The following SCUBE3 variants were observed in gnomAD, a reference collection of about 807,000 sequenced individuals.
SCUBE3 encodes signal peptide, CUB domain and EGF like domain containing 3.
Under a neutral mutation model 116.8 loss-of-function variants are expected in SCUBE3, and 33 were observed. That is an observed-to-expected ratio of 0.28 (90% CI 0.21 to 0.38). SCUBE3 has a LOEUF of 0.38. SCUBE3 is among the 10% of genes least tolerant of loss of function. The pLI, the probability that SCUBE3 is intolerant of heterozygous loss-of-function variation, is 1.00. For missense variants in SCUBE3, 1,007 were observed against 1,324.8 expected (o/e 0.76, Z 3.72); for synonymous variants, 418 against 496.9 (o/e 0.84, Z 2.11).
Position 35,243,002 on chromosome 6 carries a change from C to A in SCUBE3, c.1694-19C>A, listed in dbSNP as rs1562057628. 2 of 1,610,704 alleles carry A rather than the reference C, an allele frequency of 1.2e-6. 1 individual carries two copies. The highest frequency in any genetic ancestry group is 2.2e-5 in the South Asian group (2 of 91,026). On this transcript the variant is annotated intron_variant, in intron 14 of 21. Coordinates refer to ENST00000274938, the MANE Select transcript of SCUBE3 (RefSeq NM_152753.4). The surrounding 1 kb of genome is among the most constrained non-coding windows in gnomAD (Gnocchi z 6.6). Reference sequence around the variant, plus strand: ...GCAACTCTTTCTCCTCCCTGATACACACGGCCATCCACCACCAGCCAGCTG... The same window carrying A: ...GCAACTCTTTCTCCTCCCTGATACAAACGGCCATCCACCACCAGCCAGCTG...
At chr6:35,218,982 T>A (rs879538454) in intron 1 of SCUBE3, among the ~76,000 whole-genome samples, 2 of 152,150 alleles carry the variant, frequency 1.3e-5, no homozygotes, top group Non-Finnish European at 2.9e-5. Flanking sequence ...ATTCTGCACA[T>A]CTCACTGAAA....
At chr6:35,220,998 C>T (rs1783099661) in intron 1 of SCUBE3, 1 of 152,192 alleles carries the variant, frequency 6.6e-6, no homozygotes, top group South Asian at 2.1e-4. Context: ...CTATTTTGAT[C>T]TGGAGGTAGA....
Position 35,243,637 on chromosome 6 carries a change from G to A in SCUBE3, c.1953G>A (p.Gln651=), listed in dbSNP as rs929129688. The change falls in exon 16 of 22, where the codon CAG becomes CAA. Residue 651 remains glutamine, a synonymous_variant. Coordinates refer to ENST00000274938, the MANE Select transcript of SCUBE3 (RefSeq NM_152753.4). The surrounding 1 kb of genome is among the most constrained non-coding windows in gnomAD (Gnocchi z 6.6). ...CGTATTACCACGGCCAGACGGAGCA[G>A]TGTGTGCCATGCCCAGCGGGCACCT... ...QGTYYHGQTE[Q]CVPCPAGTFQ... The A allele has an allele frequency of 6.2e-7, 1 of 1,614,022 alleles. No individual in the cohort carries two copies. The highest frequency in any genetic ancestry group is 1.3e-5 in the African/African-American group (1 of 74,942).
chr6:35,218,259 G>C, intron 1 of SCUBE3: 7 of 450,036 alleles, frequency 1.6e-5, no homozygotes, highest in African/African-American at 2.2e-5. Context: ...CATGACTCAG[G>C]GTGTGTGTGT....
At position 35,233,829 on chromosome 6, in the gene SCUBE3, T is replaced by C. The variant is rs1783648360; in HGVS notation, c.712+528T>C. The stretch of plus-strand genomic sequence containing the variant: ...CTGGCTCCAGGTATCTTTTTCCTCT[T>C]TATTCCTTCTCTCCTCACTCTCCTC... On this transcript the variant is annotated intron_variant, in intron 6 of 21. Coordinates refer to ENST00000274938, the MANE Select transcript of SCUBE3 (RefSeq NM_152753.4). The surrounding 1 kb of genome is among the most constrained non-coding windows in gnomAD (Gnocchi z 5.7). Among the ~76,000 whole-genome samples, 3 of 151,922 alleles carry C rather than the reference T, an allele frequency of 2.0e-5. No homozygotes were observed. Among genetic ancestry groups the C allele is most frequent in the African/African-American group, 7.3e-5 (3 of 41,352 alleles).
At position 35,250,400 on chromosome 6, in the gene SCUBE3, C is replaced by T. The variant is rs1421124617; in HGVS notation, c.*1695C>T. On this transcript the variant is annotated 3_prime_UTR_variant, in exon 22 of 22. Coordinates refer to ENST00000274938, the MANE Select transcript of SCUBE3 (RefSeq NM_152753.4). ...CATACCACCTGGGGATGGGCTGACTCAGGGTCCCGAGGCCAGAGACAAAGC... is the reference window on the plus strand; with the variant it reads ...CATACCACCTGGGGATGGGCTGACTTAGGGTCCCGAGGCCAGAGACAAAGC... 6.6e-6 allele frequency: 1 copy of T among 152,204 alleles called. No individual in the cohort carries two copies. The highest frequency in any genetic ancestry group is 1.5e-5 in the Non-Finnish European group (1 of 68,060). 9.4% of individuals were successfully genotyped at this position (152,204 alleles called of 1,614,324 possible).
intron 21 of SCUBE3, 113 bp from the exon 22 acceptor site, chr6:35,248,443 A>G: frequency 1.0e-6 from 1 of 978,006 alleles, no homozygotes; most frequent in South Asian, 1.4e-5. Context: ...TGCCCTCTGG[A>G]TATATTCAGT....
At position 35,251,788 on chromosome 6, in the gene SCUBE3, G is replaced by A. The variant is rs899104931; in HGVS notation, c.*3083G>A. On this transcript the variant is annotated 3_prime_UTR_variant, in exon 22 of 22. Transcript: ENST00000274938. ...TTGGAGGGTTAAGAACCCAGGCAAA[G>A]CTGCTGCTGAATCTATGGAGGAGGC... 6.6e-6 allele frequency: 1 copy of A among 152,230 alleles called. No individual in the cohort carries two copies. Among genetic ancestry groups the A allele is most frequent in the African/African-American group, 2.4e-5 (1 of 41,444 alleles). 9.4% of individuals were successfully genotyped at this position (152,230 alleles called of 1,614,324 possible).
At position 35,231,619 on chromosome 6, in the gene SCUBE3, C is replaced by T; in HGVS notation, c.335-106C>T. The T allele has an allele frequency of 7.1e-6, 7 of 979,544 alleles. No individual in the cohort carries two copies. The highest frequency in any genetic ancestry group is 1.0e-5 in the Non-Finnish European group (7 of 690,078). The allele number at this position is 979,544 out of a possible 1,614,324, so 60.7% of individuals were successfully genotyped here. A position where few individuals can be genotyped will look rare whatever the true frequency, so the allele number is the denominator to read the frequency against. ...GAGGACTTCCTGGCTTAAGGCTGGGCTTAGGGGGTAGTAGTTCTTAAGACT... is the reference window on the plus strand; with the variant it reads ...GAGGACTTCCTGGCTTAAGGCTGGGTTTAGGGGGTAGTAGTTCTTAAGACT... On this transcript the variant is annotated intron_variant, in intron 3 of 21. Transcript: ENST00000274938. The surrounding 1 kb of genome is among the most constrained non-coding windows in gnomAD (Gnocchi z 4.2).
rs761570546 is a variant in SCUBE3 at position 35,242,269 on chromosome 6, C to T, written c.1483C>T (p.His495Tyr). The change falls in exon 13 of 22, where the codon CAC becomes TAC. Residue 495 changes from histidine to tyrosine, a missense_variant. By Grantham distance (83) the His-to-Tyr change is moderately conservative (BLOSUM62 2). This residue lies in a region of SCUBE3 where 544 missense variants were observed against 638.9 expected (regional missense o/e 0.85). Transcript: ENST00000274938. The stretch of plus-strand genomic sequence containing the variant: ...GATCAAGGATGCCAAATGCCGTTTG[C>T]ACCTGCGAAACAAAGGCAAAACAGA... ...FKIKDAKCRL[H>Y]LRNKGKTEEA... The T allele has an allele frequency of 8.1e-6, 13 of 1,613,920 alleles. No homozygotes were observed. The highest frequency in any genetic ancestry group is 1.6e-4 in the Middle Eastern group (1 of 6,082).
rs566621438 is a variant in SCUBE3, at chr6:35,214,795, G to A, written c.85+292G>A. Among the ~76,000 whole-genome samples the A allele has an allele frequency of 6.6e-6, 1 of 152,200 alleles. No individual in the cohort carries two copies. The highest frequency in any genetic ancestry group is 2.1e-4 in the South Asian group (1 of 4,834). ...GACTTCATCCACTCCCAGCATCTTC[G>A]AAAGACTTCTTGTCTTCCAAAATCT... On this transcript the variant is annotated intron_variant, in intron 1 of 21. Transcript: ENST00000274938. This position sits in a 1 kb window ranked among gnomAD's most constrained non-coding sequence, Gnocchi z 6.3.
rs532133896 is a variant in SCUBE3, at chr6:35,244,260, A to C, written c.2239+130A>C. 36 of 774,300 alleles carry C rather than the reference A, an allele frequency of 4.6e-5. No individual in the cohort carries two copies. Among genetic ancestry groups the C allele is most frequent in the Middle Eastern group, 4.9e-4 (2 of 4,044 alleles). 48.0% of individuals were successfully genotyped at this position (774,300 alleles called of 1,614,324 possible). A position where few individuals can be genotyped will look rare whatever the true frequency, so the allele number is the denominator to read the frequency against. The stretch of plus-strand genomic sequence containing the variant: ...CAGTAATGGGCCCAGCTACTTGACC[A>C]ACCATACCATCCTGCTTCCAGGACC... On this transcript the variant is annotated intron_variant, in intron 17 of 21. Transcript: ENST00000274938. This position sits in a 1 kb window ranked among gnomAD's most constrained non-coding sequence, Gnocchi z 4.3.
At chr6:35,236,160 G>A (rs891549321) in intron 6 of SCUBE3, among the ~76,000 whole-genome samples, 6 of 152,148 alleles carry the variant, frequency 3.9e-5, no homozygotes, top group Non-Finnish European at 2.9e-5. Flanking sequence ...CATCTACCTG[G>A]CAAGTGCCTG....
At chr6:35,220,798 T>G (rs932415764) in intron 1 of SCUBE3, 4 of 152,194 alleles carry the variant, frequency 2.6e-5, no homozygotes. Flanking sequence ...AAGTGCTCTG[T>G]CTCCGCCTTG....
In SCUBE3 at chr6:35,241,764, T is replaced by C. The variant is rs1366414735; in HGVS notation, c.1313-42T>C. ...CCTGGATTCCTCCAGCCAGCGGGGG[T>C]TGGGAAGGCAGGTCAGAACTGTGAC... On this transcript the variant is annotated intron_variant, in intron 11 of 21. Coordinates refer to ENST00000274938, the MANE Select transcript of SCUBE3 (RefSeq NM_152753.4). This position sits in a 1 kb window ranked among gnomAD's most constrained non-coding sequence, Gnocchi z 4.1. 3 of 1,552,336 alleles carry C rather than the reference T, an allele frequency of 1.9e-6. No homozygotes were observed. Among genetic ancestry groups the C allele is most frequent in the South Asian group, 1.1e-5 (1 of 89,912 alleles).
In SCUBE3 at chr6:35,214,624, T is replaced by C. The variant is rs754514000; in HGVS notation, c.85+121T>C. On this transcript the variant is annotated intron_variant, in intron 1 of 21. Transcript: ENST00000274938. The surrounding 1 kb of genome is among the most constrained non-coding windows in gnomAD (Gnocchi z 6.3). ...GCGTGCTGCTGTCAGAACCCGGCTCTGTGCACCCGGACTCCCCGGCCAGGG... is the reference window on the plus strand; with the variant it reads ...GCGTGCTGCTGTCAGAACCCGGCTCCGTGCACCCGGACTCCCCGGCCAGGG... The C allele has an allele frequency of 1.8e-6, 1 of 563,496 alleles. No individual in the cohort carries two copies. Among genetic ancestry groups the C allele is most frequent in the Non-Finnish European group, 2.7e-6 (1 of 371,384 alleles). The allele number at this position is 563,496 out of a possible 1,614,324, so 34.9% of individuals were successfully genotyped here.
intron 2 of SCUBE3, 50 bp downstream of exon 2, chr6:35,227,752 A>G (rs1225398078): frequency 2.5e-6 from 4 of 1,599,690 alleles, no homozygotes; most frequent in African/African-American, 1.3e-5. Context: ...AAGAAGGCAA[A>G]CCAGTGCCAC....
rs767983160 is a variant in SCUBE3, at chr6:35,242,681, C to T, written c.1594C>T (p.Arg532Trp). The change falls in exon 14 of 22, where the codon CGG becomes TGG. Residue 532 changes from arginine to tryptophan, a missense_variant. Transcript: ENST00000274938. Reference protein sequence around the residue: ...TFIHLKCDSSRKGKGRRARTP... With the variant: ...TFIHLKCDSSWKGKGRRARTP... ...CATCCACCTTAAGTGTGACTCCTCT[C>T]GGAAGGGCAAGGGCCGACGGGCCCG... 1.4e-5 allele frequency: 22 copies of T among 1,614,008 alleles called. No individual in the cohort carries two copies. Among genetic ancestry groups the T allele is most frequent in the Non-Finnish European group, 1.8e-5 (21 of 1,179,972 alleles).
chr6:35,231,049 C>G lies in SCUBE3; in HGVS notation c.335-676C>G, dbSNP rs1294319649. ...CCCCACCATCTAGGGTGTGGCCTGG[C>G]AGCTCTCCCCAGATCCCTCCCCGCC... is the stretch of plus-strand genomic sequence containing the variant. On this transcript the variant is annotated intron_variant, in intron 3 of 21. Coordinates refer to ENST00000274938, the MANE Select transcript of SCUBE3 (RefSeq NM_152753.4). The surrounding 1 kb of genome is among the most constrained non-coding windows in gnomAD (Gnocchi z 4.2). Among the ~76,000 whole-genome samples, 1 of 152,060 alleles carries G rather than the reference C, an allele frequency of 6.6e-6. No homozygotes were observed. The highest frequency in any genetic ancestry group is 1.5e-5 in the Non-Finnish European group (1 of 67,954).
Sources: gnomAD v4.1 joint callset for allele counts (sites outside exome capture counted in the v4.1 genomes callset) on GRCh38, gnomAD v4.1.1 for gene constraint, gnomAD v4.1.1 regional missense constraint, Gnocchi (gnomAD v3.1) non-coding constraint, MANE v1.5 for transcripts, NCBI Gene and HGNC (gene_info 2026-07-23, HGNC 2026-07-21) for gene names.